The following NDRG2 variants were observed in gnomAD, a reference collection of about 807,000 sequenced individuals.
NDRG2 encodes the protein protein NDRG2.
A neutral mutation model predicts 58.2 loss-of-function variants in NDRG2; 34 were observed. The ratio of observed to expected loss-of-function variants is 0.58; its 90% CI spans 0.44 to 0.78. NDRG2 has a LOEUF of 0.78. Among genes scored for constraint, NDRG2 ranks in the 30% least tolerant of loss-of-function variants. The probability of loss-of-function intolerance (pLI) is 0.00; values close to 1 mark genes in which losing one functional copy is unlikely to be tolerated. For missense variants in NDRG2, 434 were observed against 471.2 expected, an observed-to-expected ratio of 0.92 and a Z score of 0.73; for synonymous variants, 187 against 175.9, an observed-to-expected ratio of 1.06 and a Z score of -0.50.
upstream of NDRG2, among the ~76,000 whole-genome samples, chr14:21,026,401 A>G (rs943852103): frequency 3.4e-5 from 5 of 147,218 alleles, no homozygotes; most frequent in Non-Finnish European, 5.9e-5. Context: ...CAGGCCAGTC[A>G]GGAACAATGG....
At chr14:21,062,747 T>TG (rs1886033675) in intron 1 of NDRG2, among the ~76,000 whole-genome samples, 1 of 36,250 alleles carries the variant, frequency 2.8e-5, no homozygotes, top group Non-Finnish European at 5.4e-5. Context: ...GTGTGTGTGT[T>TG]TTGTTATTTG....
At chr14:21,040,349 G>C (rs569328504) in intron 1 of NDRG2, among the ~76,000 whole-genome samples, 2 of 152,052 alleles carry the variant, frequency 1.3e-5, no homozygotes, top group African/African-American at 2.4e-5. Context: ...ACCCACAGCT[G>C]TGCTGTCCAG....
intron 1 of NDRG2, among the ~76,000 whole-genome samples, chr14:21,041,125 C>CT (rs140840771): frequency 3.7e-4 from 56 of 152,214 alleles, no homozygotes; most frequent in South Asian, 1.0e-3. Context: ...TCTGGAGTAG[C>CT]TGGGACCACA....
chr14:21,018,683 C>T, intron 12 of NDRG2, 80 bp downstream of exon 12: 4 of 1,603,784 alleles, frequency 2.5e-6, no homozygotes, highest in Non-Finnish European at 3.4e-6. Flanking sequence ...ACAGGACATC[C>T]CCTTGGCAAG....
rs748689527 is a variant in NDRG2 at position 21,019,666 on chromosome 14, A to G, written c.689T>C (p.Ile230Thr). 4 of 1,613,212 alleles carry G rather than the reference A, an allele frequency of 2.5e-6. No homozygotes were observed. The highest frequency in any genetic ancestry group is 3.4e-6 in the Non-Finnish European group (4 of 1,179,320). Residue 230 changes from isoleucine (I) to threonine (T), a missense_variant, in exon 10 of 16, where the codon ATT becomes ACT. Physicochemically the swap from Ile to Thr is moderately conservative, Grantham distance 89. Coordinates refer to ENST00000556147, the MANE Select transcript of NDRG2 (RefSeq NM_001320329.2). ...GTTGTAGCTGTTCCAGTACAATTCA[A>G]TGTTATCCAGGTTGGGTGCATGTGT... ...IITHAPNLDN[I>T]ELYWNSYNNR...
chr14:21,052,876 G>A (rs1885527498), intron 1 of NDRG2, among the ~76,000 whole-genome samples: 1 of 152,216 alleles, frequency 6.6e-6, no homozygotes, highest in Non-Finnish European at 1.5e-5. Context: ...CAGACAGGCA[G>A]TGGAAAGGGA....
chr14:21,020,984 G>C (rs534170359), intron 6 of NDRG2, 140 bp from the exon 7 acceptor site: 2 of 979,474 alleles, frequency 2.0e-6, no homozygotes, highest in South Asian at 2.7e-5. Flanking sequence ...TTTGGAGGAC[G>C]CGAAAAAGAA....
At chr14:21,056,110 C>T (rs1009788045) in intron 1 of NDRG2, among the ~76,000 whole-genome samples, 4 of 152,022 alleles carry the variant, frequency 2.6e-5, no homozygotes, top group East Asian at 1.9e-4. Context: ...GGAGCCTCGG[C>T]AAATTTTGCC....
intron 1 of NDRG2, chr14:21,042,939 C>T: frequency 1.3e-6 from 2 of 1,491,720 alleles, no homozygotes; most frequent in Non-Finnish European, 1.8e-6. Flanking sequence ...CTCAACTGAA[C>T]ACCTCTGTCC....
At chr14:21,048,908 T>C (rs1885334447) in intron 1 of NDRG2, among the ~76,000 whole-genome samples, 1 of 152,090 alleles carries the variant, frequency 6.6e-6, no homozygotes, top group South Asian at 2.1e-4. Context: ...AAAAGGACAA[T>C]ATGTATTAGT....
In NDRG2 at chr14:21,070,398, T is replaced by G; in HGVS notation, c.24+430A>C. 5 of 1,415,812 alleles carry G rather than the reference T, an allele frequency of 3.5e-6. No individual in the cohort carries two copies. The highest frequency in any genetic ancestry group is 4.6e-6 in the Non-Finnish European group (5 of 1,093,526). 87.7% of individuals were successfully genotyped at this position (1,415,812 alleles called of 1,614,324 possible). A position where few individuals can be genotyped will look rare whatever the true frequency, so the allele number is the denominator to read the frequency against. On this transcript the variant is annotated intron_variant, in intron 1 of 14. Coordinates refer to the NDRG2 transcript ENST00000403829. This position sits in a 1 kb window ranked among gnomAD's most constrained non-coding sequence, Gnocchi z 4.7. Reference sequence around the variant, plus strand: ...TCGGACGCGGCCCGGCGCCGAGCCATGGTGAGTCCAGCGTCGCAGCCCCCT... The same window carrying G: ...TCGGACGCGGCCCGGCGCCGAGCCAGGGTGAGTCCAGCGTCGCAGCCCCCT...
In NDRG2 at chr14:21,020,488, C is replaced by T; in HGVS notation, c.555+8G>A. The T allele has an allele frequency of 1.9e-6, 3 of 1,612,586 alleles. No homozygotes were observed. Among genetic ancestry groups the T allele is most frequent in the Non-Finnish European group, 2.5e-6 (3 of 1,179,224 alleles). The stretch of plus-strand genomic sequence containing the variant: ...ACCGTAGGTCTCAGCACACAGGCCC[C>T]TCCAAACCTTGTGGGCTGCCCAATC... On this transcript the variant is annotated splice_region_variant and intron_variant, in intron 8 of 15. Transcript: ENST00000556147.
chr14:21,025,845 C>A, upstream of NDRG2: 5 of 204,400 alleles, frequency 2.4e-5, no homozygotes, highest in Non-Finnish European at 4.1e-5. The surrounding 1 kb of genome is among the most constrained non-coding windows in gnomAD (Gnocchi z 5.1). Flanking sequence ...ACTCTGGGGT[C>A]AATGCCTCAA....
intron 1 of NDRG2, among the ~76,000 whole-genome samples, chr14:21,054,335 TACACACACAC>T (rs3061929): frequency 2.7e-5 from 4 of 149,912 alleles, no homozygotes; most frequent in Admixed American, 6.7e-5. Flanking sequence ...AAAGAGATAA[TACACACACAC>T]ACACACACAC....
intron 1 of NDRG2, chr14:21,033,803 G>A (rs1884416604): frequency 2.0e-6 from 3 of 1,510,544 alleles, no homozygotes; most frequent in Non-Finnish European, 2.8e-6. Flanking sequence ...TAGAGGTTGG[G>A]GAGTGGCTCA....
At chr14:21,046,354 A>G (rs1436354786) in intron 1 of NDRG2, among the ~76,000 whole-genome samples, 4 of 152,096 alleles carry the variant, frequency 2.6e-5, no homozygotes, top group Non-Finnish European at 4.4e-5. Flanking sequence ...GTGAAACCCC[A>G]TATCTACAAA....
intron 1 of NDRG2, among the ~76,000 whole-genome samples, chr14:21,056,163 A>G (rs903126622): frequency 2.0e-5 from 3 of 152,154 alleles, no homozygotes; most frequent in South Asian, 2.1e-4. Flanking sequence ...AAGTTACACA[A>G]ATCCCAGAGG....
chr14:21,047,104 C>T lies in NDRG2; in HGVS notation c.24+23724G>A, dbSNP rs1366646230. ...CACTCTCTTCTATTATTTATATTAT[C>T]GGTCAACTAATTTCCTATTTTTTAA... On this transcript the variant is annotated intron_variant, in intron 1 of 14. Transcript: ENST00000403829. Among the ~76,000 whole-genome samples the T allele has an allele frequency of 1.1e-4, 17 of 152,120 alleles. 1 individual carries two copies. Among genetic ancestry groups the T allele is most frequent in the Admixed American group, 5.9e-4 (9 of 15,268 alleles).
At position 21,024,289 on chromosome 14, in the gene NDRG2, C is replaced by A. The variant is rs1882544959; in HGVS notation, c.-266G>T. ...AGGCTCGAGCCGGAATCAATATAGG[C>A]TACAAGGGCATCAGTTCAGGCTGCG... On this transcript the variant is annotated 5_prime_UTR_variant, in exon 1 of 16. It removes the in-frame stop codon of an upstream open reading frame in the 5' UTR. Transcript: ENST00000556147. The A allele has an allele frequency of 1.0e-6, 1 of 985,508 alleles. No homozygotes were observed. Among genetic ancestry groups the A allele is most frequent in the Non-Finnish European group, 1.2e-6 (1 of 830,036 alleles). The allele number at this position is 985,508 out of a possible 1,614,324, so 61.0% of individuals were successfully genotyped here.
Sources: gnomAD v4.1 joint callset for allele counts (sites outside exome capture counted in the v4.1 genomes callset) on GRCh38, gnomAD v4.1.1 for gene constraint, Gnocchi (gnomAD v3.1) non-coding constraint, MANE v1.5 for transcripts, NCBI Gene and HGNC (gene_info 2026-07-23, HGNC 2026-07-21) for gene names.